The following KHDRBS2 variants were observed in gnomAD, a reference collection of about 807,000 sequenced individuals.
The protein encoded by KHDRBS2 is KH RNA binding domain containing, signal transduction associated 2, also known as KH domain-containing, RNA-binding, signal transduction-associated protein 2.
In KHDRBS2, 26 loss-of-function variants were observed where a neutral mutation model predicts 44.3. The observed-to-expected ratio is 0.59, with a 90% CI of 0.43 to 0.81. The LOEUF is 0.81. Ranked by LOEUF, KHDRBS2 falls within the 40% of genes least tolerant of loss-of-function variation. The pLI, the probability that KHDRBS2 is intolerant of heterozygous loss-of-function variation, is 0.00. For missense variants in KHDRBS2, 476 were observed against 433.1 expected, an observed-to-expected ratio of 1.10 and a Z score of -0.88; for synonymous variants, 194 against 151.1, an observed-to-expected ratio of 1.28 and a Z score of -2.08.
intron 6 of KHDRBS2, among the ~76,000 whole-genome samples, chr6:61,885,199 T>C (rs2127321664): frequency 6.6e-6 from 1 of 152,072 alleles, no homozygotes; most frequent in African/African-American, 2.4e-5. Flanking sequence ...ATATTTTCTA[T>C]AGACAGGAAA....
intron 8 of KHDRBS2, among the ~76,000 whole-genome samples, chr6:61,696,729 TTGAC>T (rs1767952102): frequency 6.6e-6 from 1 of 152,182 alleles, no homozygotes; most frequent in Admixed American, 6.5e-5. Flanking sequence ...GACATCCTTA[TTGAC>T]TATCAATTTT....
intron 7 of KHDRBS2, among the ~76,000 whole-genome samples, chr6:61,708,125 C>T (rs76758845): frequency 0.03 from 4,549 of 151,638 alleles, 233 homozygotes; most frequent in African/African-American, 0.1. Flanking sequence ...AAGTTAATCT[C>T]TCTGATATTA....
intron 3 of KHDRBS2, among the ~76,000 whole-genome samples, chr6:62,021,430 A>C (rs1003632885): frequency 2.6e-5 from 4 of 151,926 alleles, no homozygotes; most frequent in African/African-American, 9.6e-5. Context: ...TAAAAATAAA[A>C]ATGTGTGTTT....
At chr6:61,593,266 T>C in the KHDRBS2 span, among the ~76,000 whole-genome samples, 56 of 152,254 alleles carry the variant, frequency 3.7e-4, no homozygotes, top group Non-Finnish European at 3.8e-4. Flanking sequence ...TAGTTTCAGT[T>C]TGTAGGGCTT....
chr6:61,710,201 AT>A (rs1273761112), intron 7 of KHDRBS2, among the ~76,000 whole-genome samples: 3 of 151,744 alleles, frequency 2.0e-5, no homozygotes, highest in Non-Finnish European at 4.4e-5. Flanking sequence ...AGAAAAAAAA[AT>A]GTCACATTCA....
intron 2 of KHDRBS2, among the ~76,000 whole-genome samples, chr6:62,053,548 G>C (rs2127316070): frequency 6.6e-6 from 1 of 151,802 alleles, no homozygotes; most frequent in South Asian, 2.1e-4. Context: ...TTATTTGTTT[G>C]GAAAAATGAT....
chr6:62,209,150 G>T (rs1302687828), intron 1 of KHDRBS2, among the ~76,000 whole-genome samples: 1 of 152,150 alleles, frequency 6.6e-6, no homozygotes, highest in African/African-American at 2.4e-5. Flanking sequence ...CAACAACTCA[G>T]TCACAGAAAG....
intron 2 of KHDRBS2, among the ~76,000 whole-genome samples, chr6:62,066,716 C>T (rs1050615863): frequency 2.0e-5 from 3 of 151,558 alleles, no homozygotes; most frequent in Non-Finnish European, 4.4e-5. Context: ...ATGTGACAGG[C>T]AGTTTTCTAG....
At chr6:62,185,823 C>T (rs2150128183) in intron 1 of KHDRBS2, among the ~76,000 whole-genome samples, 1 of 152,094 alleles carries the variant, frequency 6.6e-6, no homozygotes, top group South Asian at 2.1e-4. Flanking sequence ...CAGTTCCTCT[C>T]CCTCATGGAG....
chr6:62,269,323 A>G (rs1839709681), intron 1 of KHDRBS2, among the ~76,000 whole-genome samples: 2 of 152,106 alleles, frequency 1.3e-5, no homozygotes, highest in South Asian at 2.1e-4. Flanking sequence ...AGGGAAAAAT[A>G]TCACAAAACA....
chr6:61,767,580 A>G (rs1400489765), intron 6 of KHDRBS2, among the ~76,000 whole-genome samples: 1 of 151,512 alleles, frequency 6.6e-6, no homozygotes, highest in Non-Finnish European at 1.5e-5. Flanking sequence ...GTTTTTGTGA[A>G]GGTGATTTTC....
intron 3 of KHDRBS2, among the ~76,000 whole-genome samples, chr6:62,006,735 CAT>C (rs1348346275): frequency 6.6e-6 from 1 of 151,446 alleles, no homozygotes; most frequent in African/African-American, 2.4e-5. Context: ...AACTTTCAAA[CAT>C]ATATACAGAA....
intron 2 of KHDRBS2, among the ~76,000 whole-genome samples, chr6:62,115,976 G>A (rs1806121172): frequency 6.6e-6 from 1 of 151,964 alleles, no homozygotes; most frequent in Non-Finnish European, 1.5e-5. Flanking sequence ...TAATTGATAT[G>A]AAAACAGTAT....
At chr6:62,190,292 G>T (rs1422918236) in intron 1 of KHDRBS2, among the ~76,000 whole-genome samples, 2 of 152,102 alleles carry the variant, frequency 1.3e-5, no homozygotes, top group Non-Finnish European at 2.9e-5. Context: ...ATCTTTATAA[G>T]AACAATTTTA....
At chr6:61,581,860 C>T in the KHDRBS2 span, among the ~76,000 whole-genome samples, 1 of 151,170 alleles carries the variant, frequency 6.6e-6, no homozygotes, top group Non-Finnish European at 1.5e-5. Flanking sequence ...ATATGAAGTG[C>T]TCATGAATCT....
chr6:61,823,408 C>T (rs1414249477), intron 6 of KHDRBS2, among the ~76,000 whole-genome samples: 1 of 151,994 alleles, frequency 6.6e-6, no homozygotes, highest in Admixed American at 6.6e-5. Flanking sequence ...CTATTCTTTA[C>T]ACAAATTTTA....
intron 4 of KHDRBS2, among the ~76,000 whole-genome samples, chr6:61,963,908 T>C (rs1370343583): frequency 1.3e-5 from 2 of 152,044 alleles, no homozygotes; most frequent in Non-Finnish European, 2.9e-5. Flanking sequence ...AAAATATTGT[T>C]TCTTCCTTTA....
intron 4 of KHDRBS2, among the ~76,000 whole-genome samples, chr6:61,937,438 G>A (rs771606553): frequency 7.2e-5 from 11 of 151,834 alleles, no homozygotes; most frequent in African/African-American, 9.7e-5. Context: ...ACTACACAAC[G>A]TCACTAGGCT....
intron 2 of KHDRBS2, among the ~76,000 whole-genome samples, chr6:62,053,117 C>T (rs1441500241): frequency 6.6e-6 from 1 of 151,802 alleles, no homozygotes; most frequent in Non-Finnish European, 1.5e-5. Flanking sequence ...TAAATATATA[C>T]AATAAAATGT....
Sources: allele counts gnomAD v4.1 joint callset (sites outside exome capture counted in the v4.1 genomes callset), GRCh38; gene constraint gnomAD v4.1.1; transcripts MANE v1.5; gene names NCBI Gene and HGNC (gene_info 2026-07-23, HGNC 2026-07-21).